Variants in RABEP1 observed in about 807,000 individuals in gnomAD.
RABEP1 encodes rabaptin, RAB GTPase binding effector protein 1, also known as rab GTPase-binding effector protein 1.
RABEP1 carries 51 observed loss-of-function variants against 123.4 expected under a neutral mutation model. The observed-to-expected ratio is 0.41, with a 90% CI of 0.33 to 0.52. The LOEUF is 0.52. Ranked by LOEUF, RABEP1 falls within the 20% of genes least tolerant of loss-of-function variation. The pLI, the probability that RABEP1 is intolerant of heterozygous loss-of-function variation, is 0.16. For missense variants in RABEP1, 888 were observed against 996.3 expected, an observed-to-expected ratio of 0.89 and a Z score of 1.46; for synonymous variants, 347 against 355.2, an observed-to-expected ratio of 0.98 and a Z score of 0.26.
At chr17:5,313,611 G>T (rs1312622708) in intron 2 of RABEP1, among the ~76,000 whole-genome samples, 1 of 152,170 alleles carries the variant, frequency 6.6e-6, no homozygotes, top group Non-Finnish European at 1.5e-5. Context: ...TAAAGAGCTT[G>T]TAACATGGGT....
intron 9 of RABEP1, chr17:5,362,031 C>T (rs1372526575): frequency 1.1e-5 from 2 of 185,296 alleles, no homozygotes; most frequent in Admixed American, 1.1e-4. Flanking sequence ...ATTGCAGGAT[C>T]CAGGCTTTCA....
intron 8 of RABEP1, among the ~76,000 whole-genome samples, chr17:5,360,453 T>A (rs542290438): frequency 2.6e-5 from 4 of 152,312 alleles, no homozygotes; most frequent in Admixed American, 2.6e-4. Context: ...TCCCAGCTAC[T>A]TGGGAGGCTG....
intron 11 of RABEP1, among the ~76,000 whole-genome samples, chr17:5,367,580 T>G (rs531992496): frequency 1.3e-5 from 2 of 151,022 alleles, no homozygotes; most frequent in African/African-American, 2.4e-5. Flanking sequence ...AGGGTAAAAC[T>G]TTTTTTTAAA....
intron 1 of RABEP1, among the ~76,000 whole-genome samples, chr17:5,298,244 C>T (rs1029133720): frequency 6.6e-6 from 1 of 152,164 alleles, no homozygotes; most frequent in African/African-American, 2.4e-5. Context: ...CTTTTTATAA[C>T]CCAAGTGTAG....
intron 1 of RABEP1, among the ~76,000 whole-genome samples, chr17:5,308,349 C>T (rs2075201118): frequency 1.3e-5 from 2 of 152,106 alleles, no homozygotes; most frequent in South Asian, 4.2e-4. Flanking sequence ...CCTCAGCCTC[C>T]TGAGTAGCTG....
At position 5,367,357 on chromosome 17, in the gene RABEP1, T is replaced by C. The variant is rs148142628; in HGVS notation, c.1786-1013T>C. ...CACGATCTTGGCTCACTGCAACGTCTGCCTCCCAGGTTCAAGCGATTCTCC... is the reference window on the plus strand; with the variant it reads ...CACGATCTTGGCTCACTGCAACGTCCGCCTCCCAGGTTCAAGCGATTCTCC... On this transcript the variant is annotated intron_variant, in intron 11 of 17. Coordinates refer to ENST00000537505, the MANE Select transcript of RABEP1 (RefSeq NM_004703.6). Among the ~76,000 whole-genome samples, 1,008 of 151,878 alleles carry C rather than the reference T, an allele frequency of 6.6e-3. 10 individuals are homozygous for C. The highest frequency in any genetic ancestry group is 9.6e-3 in the Non-Finnish European group (653 of 67,932).
rs766335327 is a variant in RABEP1, at chr17:5,377,183, T to G, written c.2093T>G (p.Val698Gly). 6 of 1,613,234 alleles carry G rather than the reference T, an allele frequency of 3.7e-6. No individual in the cohort carries two copies. The highest frequency in any genetic ancestry group is 5.1e-6 in the Non-Finnish European group (6 of 1,179,828). ...AATGTGCGGACAGCAGCAGACCACG[T>G]AGAAGAAAAGCTGAAGGCTGAGATA... ...IINVRTAADH[V>G]EEKLKAEILF... Residue 698 changes from valine to glycine, a missense_variant, in exon 14 of 18, where the codon GTA becomes GGA. By Grantham distance (109) the Val-to-Gly change is moderately radical. Coordinates refer to ENST00000537505, the MANE Select transcript of RABEP1 (RefSeq NM_004703.6).
intron 12 of RABEP1, among the ~76,000 whole-genome samples, chr17:5,370,740 A>G (rs1910460395): frequency 6.6e-6 from 1 of 152,202 alleles, no homozygotes. Context: ...GGGATGTTAA[A>G]TTTGATCACT....
At chr17:5,349,023 A>G (rs1217018508) in intron 6 of RABEP1, among the ~76,000 whole-genome samples, 1 of 152,102 alleles carries the variant, frequency 6.6e-6, no homozygotes, top group Non-Finnish European at 1.5e-5. Flanking sequence ...GAAATCCTGT[A>G]CCCATTTACT....
chr17:5,377,717 G>A (rs901866933), intron 14 of RABEP1, among the ~76,000 whole-genome samples: 2 of 151,788 alleles, frequency 1.3e-5, no homozygotes, highest in African/African-American at 2.4e-5. Context: ...TAGTAGAGAC[G>A]GGTTTCTCCA....
At chr17:5,297,659 T>C (rs886975313) in intron 1 of RABEP1, among the ~76,000 whole-genome samples, 1 of 152,366 alleles carries the variant, frequency 6.6e-6, no homozygotes, top group African/African-American at 2.4e-5. Flanking sequence ...GTGTATAAAA[T>C]AACTTGCCTG....
intron 17 of RABEP1, among the ~76,000 whole-genome samples, chr17:5,382,198 C>T (rs1911530814): frequency 2.0e-5 from 3 of 151,640 alleles, no homozygotes; most frequent in South Asian, 4.2e-4. Context: ...TCTCCTGCCT[C>T]ATCCTCCTGG....
chr17:5,321,146 C>G (rs2075351565), intron 2 of RABEP1, among the ~76,000 whole-genome samples: 1 of 151,836 alleles, frequency 6.6e-6, no homozygotes, highest in Non-Finnish European at 1.5e-5. Flanking sequence ...CCTGGCTCTA[C>G]AAAAAATAAA....
chr17:5,329,991 G>A (rs575082245), intron 2 of RABEP1, among the ~76,000 whole-genome samples: 6 of 152,122 alleles, frequency 3.9e-5, no homozygotes, highest in Admixed American at 2.6e-4. Context: ...GTAATCTCCA[G>A]CAAATCAAAA....
At chr17:5,348,286 G>C (rs1040509677) in intron 6 of RABEP1, among the ~76,000 whole-genome samples, 2 of 152,142 alleles carry the variant, frequency 1.3e-5, no homozygotes, top group Non-Finnish European at 2.9e-5. Context: ...GCCCAGATAG[G>C]CTTCTTAAAA....
chr17:5,318,044 A>G (rs142179290), intron 2 of RABEP1, among the ~76,000 whole-genome samples: 96 of 152,312 alleles, frequency 6.3e-4, no homozygotes, highest in African/African-American at 2.2e-3. Context: ...CTTTTTCTCT[A>G]TATCCTTTGT....
intron 12 of RABEP1, among the ~76,000 whole-genome samples, chr17:5,372,951 T>A (rs1297477443): frequency 1.3e-5 from 2 of 152,086 alleles, no homozygotes; most frequent in Non-Finnish European, 1.5e-5. Flanking sequence ...AGAGACAGGG[T>A]TTCACTGTTT....
intron 2 of RABEP1, among the ~76,000 whole-genome samples, chr17:5,327,747 A>T (rs1906124233): frequency 1.3e-5 from 2 of 152,228 alleles, no homozygotes; most frequent in South Asian, 4.1e-4. Context: ...TTATGTAAAC[A>T]TTTAAAAATA....
chr17:5,359,849 T>A (rs1909345913), intron 8 of RABEP1, among the ~76,000 whole-genome samples: 1 of 152,226 alleles, frequency 6.6e-6, no homozygotes. Context: ...GAAAACTTGT[T>A]ACATTTTTCT....
Sources: gnomAD v4.1 joint callset for allele counts (sites outside exome capture counted in the v4.1 genomes callset) on GRCh38, gnomAD v4.1.1 for gene constraint, MANE v1.5 for transcripts, NCBI Gene and HGNC (gene_info 2026-07-23, HGNC 2026-07-21) for gene names.